RELB: variants seen among roughly 807,000 people sequenced by gnomAD.
RELB encodes the protein RELB proto-oncogene, NF-kB subunit.
In RELB, 14 loss-of-function variants were observed where a neutral mutation model predicts 55.4. The observed-to-expected ratio is 0.25, with a 90% confidence interval of 0.17 to 0.40. The LOEUF (loss-of-function observed/expected upper bound fraction) is 0.40, where lower values mean the gene tolerates loss of function less well. Among genes scored for constraint, RELB ranks in the 10% least tolerant of loss-of-function variants. The pLI is 1.00. For synonymous variants in RELB, 409 were observed against 371.3 expected, an observed-to-expected ratio of 1.10 and a Z score of -1.17; for missense variants, 669 against 830.7, an observed-to-expected ratio of 0.81 and a Z score of 2.39.
chr19:45,017,284 G>A (rs1214712862), intron 4 of RELB, among the ~76,000 whole-genome samples: 6 of 152,060 alleles, frequency 3.9e-5, no homozygotes, highest in Non-Finnish European at 2.9e-5. Context: ...GCTGCCTGTG[G>A]CTGCTGAGCA....
intron 5 of RELB, among the ~76,000 whole-genome samples, chr19:45,022,983 A>G (rs1971508452): frequency 6.6e-6 from 1 of 152,202 alleles, no homozygotes; most frequent in East Asian, 1.9e-4. Flanking sequence ...AAAGGTAGTG[A>G]CACACTTCAC....
At chr19:45,034,188 G>A in intron 9 of RELB, 56 bp from the exon 10 acceptor site, 6 of 1,195,522 alleles carry the variant, frequency 5.0e-6, no homozygotes, top group Non-Finnish European at 7.3e-6. Context: ...ATAAATAAAG[G>A]AATTAATTAT....
At chr19:45,006,819 G>GTAT (rs1971287743) in intron 2 of RELB, among the ~76,000 whole-genome samples, 4 of 151,902 alleles carry the variant, frequency 2.6e-5, no homozygotes, top group African/African-American at 9.6e-5. Context: ...AAATTAGCTG[G>GTAT]GTGTGGTGGC....
chr19:45,026,899 A>T (rs1004030411), intron 7 of RELB, among the ~76,000 whole-genome samples: 1 of 152,208 alleles, frequency 6.6e-6, no homozygotes, highest in Non-Finnish European at 1.5e-5. Context: ...AAAATGGGAT[A>T]TTAATTCAGT....
At chr19:45,024,384 G>T (rs1282533229) in intron 5 of RELB, among the ~76,000 whole-genome samples, 1 of 146,802 alleles carries the variant, frequency 6.8e-6, no homozygotes. Context: ...AGGTGGTCTC[G>T]ATCTCCTGAC....
chr19:45,031,279 A>G (rs1325307042), intron 8 of RELB, among the ~76,000 whole-genome samples: 4 of 151,680 alleles, frequency 2.6e-5, no homozygotes, highest in African/African-American at 7.3e-5. Context: ...GTGCGCCACC[A>G]TGCCTGGCTA....
At chr19:45,016,169 G>T (rs1484316128) in intron 4 of RELB, among the ~76,000 whole-genome samples, 1 of 151,758 alleles carries the variant, frequency 6.6e-6, no homozygotes, top group Non-Finnish European at 1.5e-5. Context: ...GTTTTTAGTA[G>T]AGACGGGGTT....
At chr19:45,006,104 G>A (rs146423741) in intron 2 of RELB, among the ~76,000 whole-genome samples, 1 of 152,230 alleles carries the variant, frequency 6.6e-6, no homozygotes, top group Non-Finnish European at 1.5e-5. Flanking sequence ...TTAAATATGG[G>A]ATTATAAAAT....
At chr19:45,025,206 G>T in intron 5 of RELB, 123 bp from the exon 6 acceptor site, 1 of 695,254 alleles carries the variant, frequency 1.4e-6, no homozygotes, top group Non-Finnish European at 2.6e-6. Flanking sequence ...GGACCCCTGG[G>T]CCTGGGATGT....
At chr19:45,026,753 C>T (rs1043990544) in intron 7 of RELB, among the ~76,000 whole-genome samples, 4 of 152,088 alleles carry the variant, frequency 2.6e-5, no homozygotes, top group African/African-American at 9.7e-5. Flanking sequence ...GTCCCATGGC[C>T]ACTCCTAGTT....
rs1188067550 is a variant in RELB, at chr19:45,003,287, C to T, written c.154+291C>T. Among the ~76,000 whole-genome samples, 9 of 151,900 alleles carry T rather than the reference C, an allele frequency of 5.9e-5. No individual in the cohort carries two copies. In the South Asian group the frequency reaches 1.5e-3, roughly 25 times the overall value. On this transcript the variant is annotated intron_variant, in intron 2 of 11. Transcript: ENST00000221452. ...GAGATCGAGACCATCCTGGCTAACA[C>T]GGTGAAACCCCGTCTCTACTGAAAA...
chr19:45,034,625 C>A, intron 11 of RELB, 97 bp downstream of exon 11: 3 of 1,014,496 alleles, frequency 3.0e-6, no homozygotes, highest in Non-Finnish European at 2.9e-6. Context: ...CCAAGAGCAG[C>A]CACAAGGCGA....
chr19:45,022,083 G>C lies in RELB; in HGVS notation c.535G>C (p.Glu179Gln), dbSNP rs2122452374. 2 of 1,613,062 alleles carry C rather than the reference G, an allele frequency of 1.2e-6. No individual in the cohort carries two copies. The highest frequency in any genetic ancestry group is 4.5e-5 in the East Asian group (2 of 44,840). The stretch of plus-strand genomic sequence containing the variant: ...GGATTGTGGAGGGCTGCGGGAGGTG[G>C]AGGTGACTGCCTGCCTGGTGTGGAA... Reference protein sequence around the residue: ...LRDCGGLREVEVTACLVWKDW... With the variant: ...LRDCGGLREVQVTACLVWKDW... Residue 179 changes from glutamate (E) to glutamine (Q), a missense_variant, in exon 5 of 12, where the codon GAG becomes CAG. Transcript: ENST00000221452.
Position 45,032,596 on chromosome 19 carries a change from G to C in RELB, c.1054G>C (p.Asp352His), listed in dbSNP as rs761265324. The C allele has an allele frequency of 6.2e-7, 1 of 1,613,576 alleles. No individual in the cohort carries two copies. The highest frequency in any genetic ancestry group is 8.5e-7 in the Non-Finnish European group (1 of 1,179,776). ...WEGRADFSQA[D>H]VHRQIAIVFK... ...AGGTCGGGCTGACTTCTCCCAGGCC[G>C]ACGTGCACCGCCAGATTGCCATTGT... Residue 352 changes from aspartate to histidine, a missense_variant, in exon 9 of 12, where the codon GAC becomes CAC. Asp to His is a moderately conservative substitution (Grantham distance 81). This residue lies in a region of RELB where 341 missense variants were observed against 436.8 expected (regional missense o/e 0.78). Coordinates refer to ENST00000221452, the MANE Select transcript of RELB (RefSeq NM_006509.4).
At chr19:45,005,088 T>G (rs904621261) in intron 2 of RELB, among the ~76,000 whole-genome samples, 4 of 152,034 alleles carry the variant, frequency 2.6e-5, no homozygotes, top group Non-Finnish European at 4.4e-5. Flanking sequence ...GGAGAATCAC[T>G]TGAACCCGGG....
intron 4 of RELB, 85 bp downstream of exon 4, chr19:45,012,361 T>C: frequency 3.8e-6 from 3 of 786,494 alleles, no homozygotes; most frequent in Non-Finnish European, 3.6e-6. Context: ...ATACGTTTAT[T>C]TGATGGTGGC....
At position 45,008,602 on chromosome 19, in the gene RELB, C is replaced by G; in HGVS notation, c.155-1212C>G. 6.6e-6 allele frequency: 3 copies of G among 453,932 alleles called. No homozygotes were observed. In the Admixed American group the frequency reaches 7.1e-5, roughly 11 times the overall value. The allele number at this position is 453,932 out of a possible 1,614,324, so 28.1% of individuals were successfully genotyped here. ...AAATTGGGGGGACCTTGGCACCCTA[C>G]TGGCTTCACAGATCCCATGAGATAA... On this transcript the variant is annotated intron_variant, in intron 2 of 11. Transcript: ENST00000221452.
intron 8 of RELB, 93 bp downstream of exon 8, chr19:45,029,085 G>C: frequency 3.5e-6 from 3 of 869,122 alleles, no homozygotes; most frequent in South Asian, 1.5e-5. Context: ...GGATGAGAAA[G>C]AGCTGGTTAA....
intron 2 of RELB, 82 bp downstream of exon 2, chr19:45,003,078 G>A: frequency 4.5e-6 from 6 of 1,341,332 alleles, no homozygotes; most frequent in Admixed American, 4.0e-5. Flanking sequence ...CTCTGTTTGG[G>A]GGTTCACGAG....
Sources: gnomAD v4.1 joint callset for allele counts (sites outside exome capture counted in the v4.1 genomes callset) on GRCh38, gnomAD v4.1.1 for gene constraint, gnomAD v4.1.1 regional missense constraint, MANE v1.5 for transcripts, NCBI Gene and HGNC (gene_info 2026-07-23, HGNC 2026-07-21) for gene names.